The following LRMDA variants were observed in gnomAD, a reference collection of about 807,000 sequenced individuals.
The protein encoded by LRMDA is leucine-rich melanocyte differentiation-associated protein.
In LRMDA, 18 loss-of-function variants were observed where a neutral mutation model predicts 29.8. That is an observed-to-expected ratio of 0.60 (90% CI 0.42 to 0.90). The LOEUF (loss-of-function observed/expected upper bound fraction) is 0.90, where lower values mean the gene tolerates loss of function less well. LRMDA is among the 40% of genes least tolerant of loss of function. The pLI is 0.00. For synonymous variants in LRMDA, 125 were observed against 109.4 expected, an observed-to-expected ratio of 1.14 and a Z score of -0.89; for missense variants, 273 against 273.9, an observed-to-expected ratio of 1.00 and a Z score of 0.02.
intron 5 of LRMDA, among the ~76,000 whole-genome samples, chr10:76,277,136 A>G (rs1840145414): frequency 6.6e-6 from 1 of 152,128 alleles, no homozygotes; most frequent in African/African-American, 2.4e-5. Context: ...GCTGTTTTTC[A>G]CAGCTCTTCA....
At chr10:76,393,189 A>C (rs1025657227) in intron 6 of LRMDA, among the ~76,000 whole-genome samples, 3 of 152,122 alleles carry the variant, frequency 2.0e-5, no homozygotes, top group African/African-American at 7.2e-5. Context: ...TTTTGGATAC[A>C]TTCATTTCTT....
chr10:76,278,509 T>A (rs973828660), intron 5 of LRMDA, among the ~76,000 whole-genome samples: 1 of 152,184 alleles, frequency 6.6e-6, no homozygotes, highest in African/African-American at 2.4e-5. Flanking sequence ...TCTGCTTTGT[T>A]ATACTGTCTT....
chr10:75,583,574 C>A (rs1348928622), intron 2 of LRMDA, among the ~76,000 whole-genome samples: 1 of 152,202 alleles, frequency 6.6e-6, no homozygotes, highest in Non-Finnish European at 1.5e-5. Context: ...TATCAGGCCT[C>A]ACCTCCAGTA....
intron 5 of LRMDA, among the ~76,000 whole-genome samples, chr10:76,295,577 T>A (rs1408864168): frequency 6.6e-6 from 1 of 152,226 alleles, no homozygotes; most frequent in African/African-American, 2.4e-5. Context: ...TCTTTGGGTG[T>A]GCCCTCTGCT....
At chr10:76,130,321 AG>A (rs1308673926) in intron 5 of LRMDA, among the ~76,000 whole-genome samples, 4 of 152,228 alleles carry the variant, frequency 2.6e-5, no homozygotes, top group African/African-American at 7.2e-5. Flanking sequence ...CCATTTGGGT[AG>A]GCTACTAGTG....
intron 2 of LRMDA, among the ~76,000 whole-genome samples, chr10:75,726,685 C>G (rs545960656): frequency 1.3e-5 from 2 of 152,272 alleles, no homozygotes; most frequent in East Asian, 3.9e-4. Context: ...GACCAATATG[C>G]CTACTTAGCC....
chr10:76,331,176 CAGG>C (rs1218132513), intron 6 of LRMDA, among the ~76,000 whole-genome samples: 2 of 152,156 alleles, frequency 1.3e-5, no homozygotes, highest in African/African-American at 4.8e-5. Context: ...GAGGCAGAGA[CAGG>C]AGAATTGCTT....
chr10:76,210,762 C>T (rs1253189223), intron 5 of LRMDA, among the ~76,000 whole-genome samples: 1 of 152,136 alleles, frequency 6.6e-6, no homozygotes, highest in African/African-American at 2.4e-5. Context: ...CTCCGCATCT[C>T]TAACAAATGA....
At chr10:75,954,492 G>A (rs1266304292) in intron 2 of LRMDA, among the ~76,000 whole-genome samples, 1 of 152,184 alleles carries the variant, frequency 6.6e-6, no homozygotes, top group African/African-American at 2.4e-5. Flanking sequence ...TGAAATGGGG[G>A]TGCATCTTTC....
At chr10:76,396,737 A>G (rs889012497) in intron 6 of LRMDA, 3 of 152,376 alleles carry the variant, frequency 2.0e-5, no homozygotes, top group East Asian at 1.9e-4. Flanking sequence ...GAAGGAAGGT[A>G]TGGGGTAACT....
chr10:76,553,418 C>T (rs971885013), intron 6 of LRMDA, among the ~76,000 whole-genome samples: 2 of 152,208 alleles, frequency 1.3e-5, no homozygotes, highest in African/African-American at 2.4e-5. Flanking sequence ...AAATTCCAGC[C>T]TCGGAGTGCC....
At chr10:76,441,195 T>C (rs1245954617) in intron 6 of LRMDA, among the ~76,000 whole-genome samples, 1 of 152,164 alleles carries the variant, frequency 6.6e-6, no homozygotes, top group Non-Finnish European at 1.5e-5. Context: ...TCTCTTTCTC[T>C]CTGACTTAAG....
At chr10:75,598,320 T>TC (rs1424205666) in intron 2 of LRMDA, among the ~76,000 whole-genome samples, 2 of 152,116 alleles carry the variant, frequency 1.3e-5, no homozygotes, top group African/African-American at 4.8e-5. Context: ...TGCTCGTCTC[T>TC]CCCTGGGCTA....
At chr10:76,136,884 T>C (rs1397990333) in intron 5 of LRMDA, among the ~76,000 whole-genome samples, 2 of 152,178 alleles carry the variant, frequency 1.3e-5, no homozygotes, top group Non-Finnish European at 2.9e-5. Context: ...TGGGTAATGT[T>C]AAGGATACCT....
chr10:76,018,569 T>C (rs1166364337), intron 2 of LRMDA, among the ~76,000 whole-genome samples: 2 of 146,910 alleles, frequency 1.4e-5, no homozygotes, highest in Non-Finnish European at 3.0e-5. Context: ...CTTCTGAAGT[T>C]TTTTTTTTTT....
intron 6 of LRMDA, among the ~76,000 whole-genome samples, chr10:76,550,231 A>T (rs1413712526): frequency 6.6e-6 from 1 of 152,236 alleles, no homozygotes; most frequent in South Asian, 2.1e-4. Flanking sequence ...TGAATAATTA[A>T]TGCTTTCTCA....
intron 6 of LRMDA, among the ~76,000 whole-genome samples, chr10:76,513,783 G>A (rs1365873322): frequency 1.3e-5 from 2 of 152,126 alleles, no homozygotes; most frequent in African/African-American, 4.8e-5. Flanking sequence ...TTAACTTTGA[G>A]GATCAGGTTT....
At chr10:75,846,634 T>A (rs17434600) in intron 2 of LRMDA, among the ~76,000 whole-genome samples, 27,571 of 152,134 alleles carry the variant, frequency 0.18, 2,830 homozygotes, top group South Asian at 0.26. Flanking sequence ...TTTCATGAGC[T>A]TCAAATGTTA....
At chr10:75,767,671 TAG>T (rs1263000588) in intron 2 of LRMDA, among the ~76,000 whole-genome samples, 2 of 152,228 alleles carry the variant, frequency 1.3e-5, no homozygotes, top group East Asian at 1.9e-4. Flanking sequence ...GCTATTTGAT[TAG>T]AGTCTTCTGA....
Sources: allele counts gnomAD v4.1 joint callset (sites outside exome capture counted in the v4.1 genomes callset), GRCh38; gene constraint gnomAD v4.1.1; transcripts MANE v1.5; gene names NCBI Gene and HGNC (gene_info 2026-07-23, HGNC 2026-07-21).